PRORP: variants seen among roughly 807,000 people sequenced by gnomAD.
PRORP encodes protein only RNase P catalytic subunit, also known as mitochondrial ribonuclease P catalytic subunit.
Under a neutral mutation model 59.4 loss-of-function variants are expected in PRORP, and 51 were observed. The ratio of observed to expected loss-of-function variants is 0.86; its 90% CI spans 0.69 to 1.08. The LOEUF (loss-of-function observed/expected upper bound fraction) is 1.08, where lower values mean the gene tolerates loss of function less well. PRORP is among the 50% of genes least tolerant of loss of function. The pLI, the probability that PRORP is intolerant of heterozygous loss-of-function variation, is 0.00. For missense variants in PRORP, 646 were observed against 690.3 expected (o/e 0.94, Z 0.72); for synonymous variants, 231 against 245.6 (o/e 0.94, Z 0.55).
intron 5 of PRORP, among the ~76,000 whole-genome samples, chr14:35,197,449 T>C (rs1468737240): frequency 6.6e-6 from 1 of 152,232 alleles, no homozygotes; most frequent in Non-Finnish European, 1.5e-5. Context: ...ATTACAGTGG[T>C]AACACTTTAA....
intron 5 of PRORP, among the ~76,000 whole-genome samples, chr14:35,261,469 G>A (rs575406777): frequency 1.3e-5 from 2 of 152,224 alleles, no homozygotes; most frequent in African/African-American, 4.8e-5. Flanking sequence ...GGTGGCTCAC[G>A]CCTGTAATCC....
intron 5 of PRORP, among the ~76,000 whole-genome samples, chr14:35,186,409 T>G (rs2048743626): frequency 6.6e-6 from 1 of 151,846 alleles, no homozygotes; most frequent in Admixed American, 6.6e-5. Flanking sequence ...CCTTTTAAAG[T>G]GCACAATTCA....
At chr14:35,170,434 T>C (rs1247091432) in intron 4 of PRORP, among the ~76,000 whole-genome samples, 1 of 152,176 alleles carries the variant, frequency 6.6e-6, no homozygotes, top group African/African-American at 2.4e-5. Context: ...CCTACAGATC[T>C]ACATTATTTT....
chr14:35,160,876 A>G (rs1403733076), intron 4 of PRORP, among the ~76,000 whole-genome samples: 1 of 152,248 alleles, frequency 6.6e-6, no homozygotes, highest in Non-Finnish European at 1.5e-5. Flanking sequence ...TTTATGAACC[A>G]TGCATACATG....
chr14:35,147,980 C>T (rs1369282433), intron 4 of PRORP, among the ~76,000 whole-genome samples: 2 of 152,200 alleles, frequency 1.3e-5, no homozygotes, highest in African/African-American at 4.8e-5. Flanking sequence ...TCTTCAGGCT[C>T]CACTTCTAAT....
intron 5 of PRORP, among the ~76,000 whole-genome samples, chr14:35,250,832 T>C (rs2050594562): frequency 6.6e-6 from 1 of 152,232 alleles, no homozygotes; most frequent in African/African-American, 2.4e-5. Flanking sequence ...TTCAGTCTTT[T>C]GGAGGTGGCC....
At chr14:35,196,544 A>T (rs996295556) in intron 5 of PRORP, among the ~76,000 whole-genome samples, 1 of 151,812 alleles carries the variant, frequency 6.6e-6, no homozygotes, top group African/African-American at 2.4e-5. Flanking sequence ...TCTAATCATG[A>T]CTCCTTAGTT....
chr14:35,122,130 T>C (rs747872814), upstream of PRORP: 8 of 615,240 alleles, frequency 1.3e-5, no homozygotes, highest in Non-Finnish European at 2.3e-5. Context: ...TTACTGTCAC[T>C]GCCGCGGAGA....
intron 5 of PRORP, among the ~76,000 whole-genome samples, chr14:35,264,253 C>T (rs2050980905): frequency 6.6e-6 from 1 of 151,868 alleles, no homozygotes; most frequent in African/African-American, 2.4e-5. Context: ...TCAGCCTCCC[C>T]AGTAGCTGGG....
intron 5 of PRORP, among the ~76,000 whole-genome samples, chr14:35,183,653 G>A (rs1187328103): frequency 6.6e-6 from 1 of 152,064 alleles, no homozygotes; most frequent in Non-Finnish European, 1.5e-5. Context: ...ACTATATATT[G>A]CCAAATTGCT....
At chr14:35,259,859 C>T (rs1566533552) in intron 5 of PRORP, among the ~76,000 whole-genome samples, 1 of 152,182 alleles carries the variant, frequency 6.6e-6, no homozygotes, top group African/African-American at 2.4e-5. Context: ...CAGACTACTG[C>T]ACTCCAGCCT....
rs367750082 is a variant in PRORP, at chr14:35,181,222, G to A, written c.1275+445G>A. On this transcript the variant is annotated intron_variant, in intron 5 of 7. Transcript: ENST00000534898. The stretch of plus-strand genomic sequence containing the variant: ...GTATGTTCATAAATTAACCTAAGCA[G>A]TTTTTTTTTCTATATGGTAGCCATT... Among the ~76,000 whole-genome samples the A allele has an allele frequency of 1.1e-4, 16 of 150,842 alleles. No individual in the cohort carries two copies. In the East Asian group the frequency reaches 3.1e-3, roughly 29 times the overall value.
chr14:35,210,644 T>C (rs1489414511), intron 5 of PRORP, among the ~76,000 whole-genome samples: 1 of 150,376 alleles, frequency 6.6e-6, no homozygotes, highest in Non-Finnish European at 1.5e-5. Context: ...AATACCTAAG[T>C]CACCAAATTT....
At chr14:35,237,706 T>G (rs1259950228) in intron 5 of PRORP, among the ~76,000 whole-genome samples, 2 of 152,234 alleles carry the variant, frequency 1.3e-5, no homozygotes, top group Admixed American at 1.3e-4. Context: ...TTGCCCAGAC[T>G]GGAGTACAGT....
chr14:35,221,725 C>T (rs1234468954), intron 5 of PRORP, among the ~76,000 whole-genome samples: 1 of 152,126 alleles, frequency 6.6e-6, no homozygotes, highest in East Asian at 1.9e-4. Context: ...GACCTGGCCT[C>T]CCATGGTCAT....
Position 35,266,823 on chromosome 14 carries a change from G to A in PRORP, c.1372G>A (p.Asp458Asn), listed in dbSNP as rs146117324. The A allele has an allele frequency of 1.2e-4, 198 of 1,614,214 alleles. No individual in the cohort carries two copies. In the African/African-American group the frequency reaches 2.5e-3, roughly 20 times the overall value. The change falls in exon 6 of 8, where the codon GAT becomes AAT. Residue 458 changes from aspartate to asparagine, a missense_variant. Coordinates refer to ENST00000534898, the MANE Select transcript of PRORP (RefSeq NM_014672.4). ...AAGACGGAGTTCCCAGTGGAGTCGG[G>A]ATGAGATGGAAGAGGTGCAAAAGCA... ...MLRRSSQWSR[D>N]EMEEVQKQAS...
intron 5 of PRORP, among the ~76,000 whole-genome samples, chr14:35,242,549 A>G (rs2050393421): frequency 6.6e-6 from 1 of 152,216 alleles, no homozygotes; most frequent in Admixed American, 6.5e-5. Context: ...GACCACTGAT[A>G]AGAGTGTAGT....
At chr14:35,198,833 C>T (rs2049070447) in intron 5 of PRORP, among the ~76,000 whole-genome samples, 1 of 151,838 alleles carries the variant, frequency 6.6e-6, no homozygotes, top group African/African-American at 2.4e-5. Flanking sequence ...GAGATTGAGA[C>T]CATCCTGGCC....
chr14:35,150,718 A>G (rs911681323), intron 4 of PRORP, among the ~76,000 whole-genome samples: 3 of 152,154 alleles, frequency 2.0e-5, no homozygotes, highest in Non-Finnish European at 2.9e-5. Flanking sequence ...TTTACAAGGA[A>G]ATGAAAATTA....
Sources: gnomAD v4.1 joint callset for allele counts (sites outside exome capture counted in the v4.1 genomes callset) on GRCh38, gnomAD v4.1.1 for gene constraint, MANE v1.5 for transcripts, NCBI Gene and HGNC (gene_info 2026-07-23, HGNC 2026-07-21) for gene names.